Variants in ANKFN1 observed in about 807,000 individuals in gnomAD.
ANKFN1 encodes the protein ankyrin repeat and fibronectin type III domain containing 1, also known as ankyrin repeat and fibronectin type-III domain-containing protein 1.
Under a neutral mutation model 108.7 loss-of-function variants are expected in ANKFN1, and 74 were observed. The ratio of observed to expected loss-of-function variants is 0.68; its 90% CI spans 0.56 to 0.83. The LOEUF is 0.83. ANKFN1 is among the 40% of genes least tolerant of loss of function. ANKFN1 has a pLI of 0.00. For synonymous variants in ANKFN1, 547 were observed against 516.2 expected, an observed-to-expected ratio of 1.06 and a Z score of -0.81; for missense variants, 1,505 against 1,382.3, an observed-to-expected ratio of 1.09 and a Z score of -1.41.
At chr17:56,359,557 G>A (rs1314272847) in intron 6 of ANKFN1, among the ~76,000 whole-genome samples, 1 of 152,094 alleles carries the variant, frequency 6.6e-6, no homozygotes, top group African/African-American at 2.4e-5. Context: ...GATGCTGCCT[G>A]TGGAACTAGA....
chr17:56,261,813 AAATGTT>A (rs2043518290), intron 3 of ANKFN1, among the ~76,000 whole-genome samples: 3 of 152,198 alleles, frequency 2.0e-5, no homozygotes, highest in South Asian at 4.1e-4. Context: ...CCACTGACTC[AAATGTT>A]AATCTCCTTT....
chr17:56,203,349 C>T (rs997353172), intron 1 of ANKFN1, among the ~76,000 whole-genome samples: 1 of 152,128 alleles, frequency 6.6e-6, no homozygotes, highest in Non-Finnish European at 1.5e-5. Flanking sequence ...CTCCTTTCCC[C>T]GTCCATCTCC....
At chr17:56,409,191 C>CT (rs1239284625) in intron 8 of ANKFN1, among the ~76,000 whole-genome samples, 1 of 152,134 alleles carries the variant, frequency 6.6e-6, no homozygotes, top group East Asian at 1.9e-4. Flanking sequence ...TCCCAAAGTG[C>CT]TGGGATTACA....
chr17:56,423,863 G>A (rs1219320185), intron 8 of ANKFN1, among the ~76,000 whole-genome samples: 2 of 152,154 alleles, frequency 1.3e-5, no homozygotes, highest in Non-Finnish European at 2.9e-5. Flanking sequence ...CTAGGGCAAA[G>A]ATAAATTCTT....
intron 4 of ANKFN1, among the ~76,000 whole-genome samples, chr17:56,103,557 G>A (rs1905688164): frequency 6.6e-6 from 1 of 152,152 alleles, no homozygotes; most frequent in African/African-American, 2.4e-5. Context: ...CCCATTGGGT[G>A]TGTGGTTCTT....
chr17:56,164,672 C>G (rs567718280), intron 1 of ANKFN1, among the ~76,000 whole-genome samples: 1 of 152,228 alleles, frequency 6.6e-6, no homozygotes, highest in East Asian at 1.9e-4. Context: ...GTCAAATGCC[C>G]CCAAGATTCC....
intron 4 of ANKFN1, among the ~76,000 whole-genome samples, chr17:56,328,712 A>G (rs940722811): frequency 1.3e-4 from 19 of 151,920 alleles, no homozygotes; most frequent in Non-Finnish European, 2.9e-5. Context: ...TGAGAGTCAC[A>G]TTGTGGAAAG....
intron 4 of ANKFN1, among the ~76,000 whole-genome samples, chr17:56,117,796 C>T (rs1191715016): frequency 6.6e-6 from 1 of 152,052 alleles, no homozygotes; most frequent in East Asian, 1.9e-4. Flanking sequence ...TTAATATATT[C>T]ATAAAGTTAT....
chr17:56,357,250 T>A (rs2046400062), intron 6 of ANKFN1, among the ~76,000 whole-genome samples: 1 of 152,248 alleles, frequency 6.6e-6, no homozygotes, highest in South Asian at 2.1e-4. Flanking sequence ...ATTGGTTGTG[T>A]ACCTATGAAG....
intron 3 of ANKFN1, among the ~76,000 whole-genome samples, chr17:56,325,932 A>G (rs1336095671): frequency 6.6e-6 from 1 of 152,154 alleles, no homozygotes; most frequent in African/African-American, 2.4e-5. Context: ...TTTACTATGT[A>G]GCTAGTTTTC....
At position 56,380,256 on chromosome 17, in the gene ANKFN1, C is replaced by T. The variant is rs529733145; in HGVS notation, c.910+5542C>T. On this transcript the variant is annotated intron_variant, in intron 8 of 20. Transcript: ENST00000682825. ...ACTCTCTTTTCAGGACATTTAGTTGCGGGACAGTAGAAGAGTATTGCTAAT... is the reference window on the plus strand; with the variant it reads ...ACTCTCTTTTCAGGACATTTAGTTGTGGGACAGTAGAAGAGTATTGCTAAT... Among the ~76,000 whole-genome samples, 15 of 152,196 alleles carry T rather than the reference C, an allele frequency of 9.9e-5. No homozygotes were observed. In the East Asian group the frequency reaches 1.2e-3, roughly 12 times the overall value.
At chr17:56,257,648 A>AG (rs1029345727) in intron 3 of ANKFN1, among the ~76,000 whole-genome samples, 1 of 152,198 alleles carries the variant, frequency 6.6e-6, no homozygotes. Context: ...GGCCTGTTCA[A>AG]GGGACTCCCT....
chr17:56,168,110 T>C (rs574972599), intron 1 of ANKFN1, among the ~76,000 whole-genome samples: 1 of 152,062 alleles, frequency 6.6e-6, no homozygotes, highest in Admixed American at 6.5e-5. Context: ...CTACTAAAAA[T>C]ACAAAAATTA....
chr17:56,197,839 C>T (rs1913662172), intron 1 of ANKFN1, among the ~76,000 whole-genome samples: 2 of 152,214 alleles, frequency 1.3e-5, no homozygotes, highest in African/African-American at 4.8e-5. Flanking sequence ...GACAATTTTT[C>T]CATGCACAGG....
chr17:56,311,316 A>C (rs1204671412), intron 3 of ANKFN1, among the ~76,000 whole-genome samples: 2 of 152,120 alleles, frequency 1.3e-5, no homozygotes, highest in Non-Finnish European at 2.9e-5. Flanking sequence ...AGATGCTTCT[A>C]ATGCTACTTC....
chr17:56,510,695 A>C lies in ANKFN1; in HGVS notation c.2867A>C (p.Gln956Pro). ...KTPLGPGQDP[Q>P]GEGPNPDHSC... Reference sequence around the variant, plus strand: ...CCTCTGGGGCCGGGCCAGGATCCCCAGGGCGAGGGCCCAAATCCCGATCAC... The same window carrying C: ...CCTCTGGGGCCGGGCCAGGATCCCCCGGGCGAGGGCCCAAATCCCGATCAC... Residue 956 changes from glutamine to proline, a missense_variant, in exon 21 of 21, where the codon CAG becomes CCG. Coordinates refer to ENST00000682825, the MANE Select transcript of ANKFN1 (RefSeq NM_001370326.1). The C allele has an allele frequency of 6.5e-7, 1 of 1,536,106 alleles. No individual in the cohort carries two copies. Among genetic ancestry groups the C allele is most frequent in the Non-Finnish European group, 8.7e-7 (1 of 1,146,892 alleles).
At chr17:56,280,206 A>G (rs1368601082) in intron 3 of ANKFN1, among the ~76,000 whole-genome samples, 10 of 151,866 alleles carry the variant, frequency 6.6e-5, no homozygotes, top group Admixed American at 6.6e-4. Context: ...AGAAATATAT[A>G]TATATTTCTA....
At chr17:56,456,448 G>A (rs1314590147) in intron 11 of ANKFN1, among the ~76,000 whole-genome samples, 1 of 133,394 alleles carries the variant, frequency 7.5e-6, no homozygotes, top group East Asian at 2.3e-4. Context: ...CTGTCGCCCA[G>A]GCTGGAGAGC....
intron 1 of ANKFN1, among the ~76,000 whole-genome samples, chr17:56,181,928 C>T (rs1011450856): frequency 2.6e-5 from 4 of 152,110 alleles, no homozygotes; most frequent in African/African-American, 9.7e-5. Context: ...CACAATATTT[C>T]AACCTTTTTT....
Sources: allele counts gnomAD v4.1 joint callset (sites outside exome capture counted in the v4.1 genomes callset), GRCh38; gene constraint gnomAD v4.1.1; transcripts MANE v1.5; gene names NCBI Gene and HGNC (gene_info 2026-07-23, HGNC 2026-07-21).